LRFN1: variants seen among roughly 807,000 people sequenced by gnomAD.
LRFN1 encodes leucine rich repeat and fibronectin type III domain containing 1.
Under a neutral mutation model 31.8 loss-of-function variants are expected in LRFN1, and 20 were observed. The ratio of observed to expected loss-of-function variants is 0.63; its 90% CI spans 0.44 to 0.91. The LOEUF (loss-of-function observed/expected upper bound fraction) is 0.91, where lower values mean the gene tolerates loss of function less well. Among genes scored for constraint, LRFN1 ranks in the 40% least tolerant of loss-of-function variants. The pLI is 0.00. For missense variants in LRFN1, 912 were observed against 1,129.8 expected (o/e 0.81, Z 2.76); for synonymous variants, 514 against 541.3 (o/e 0.95, Z 0.70).
chr19:39,309,493 A>C (rs2075143401), intron 4 of LRFN1, among the ~76,000 whole-genome samples: 1 of 149,418 alleles, frequency 6.7e-6, no homozygotes, highest in Non-Finnish European at 1.5e-5. Context: ...AAAAAAAAAA[A>C]AAAAAAAAAA....
At chr19:39,309,498 A>AAAC (rs2075143528) in intron 4 of LRFN1, among the ~76,000 whole-genome samples, 1 of 146,412 alleles carries the variant, frequency 6.8e-6, no homozygotes, top group African/African-American at 2.5e-5. Context: ...AAAAAAAAAA[A>AAAC]AAAAAAAAAC....
chr19:39,319,077 C>A (rs1252563553), intron 1 of LRFN1, among the ~76,000 whole-genome samples: 2 of 152,092 alleles, frequency 1.3e-5, no homozygotes, highest in East Asian at 3.9e-4. Context: ...CCCCCAGAGA[C>A]CAACACCAAA....
At chr19:39,311,658 G>A (rs932659734) in intron 4 of LRFN1, among the ~76,000 whole-genome samples, 2 of 152,088 alleles carry the variant, frequency 1.3e-5, no homozygotes, top group African/African-American at 2.4e-5. Flanking sequence ...CCTTCATAGC[G>A]GAGCTGGGAA....
rs1245933157 is a variant in LRFN1 at position 39,314,024 on chromosome 19, A to G, written c.1313T>C (p.Val438Ala). Residue 438 changes from valine to alanine, a missense_variant, in exon 4 of 5, where the codon GTG (valine) becomes GCG (alanine). Coordinates refer to ENST00000248668, the MANE Select transcript of LRFN1 (RefSeq NM_020862.2). ...LVAAELTSNS[V>A]LIRWPAQRPV... is the part of the protein sequence containing the mutation. ...CCTCTGGGCTGGCCAGCGGATGAGC[A>G]CGGAGTTCGAGGTGAGCTCGGCTGC... is the stretch of plus-strand genomic sequence containing the variant. 5 of 1,611,886 alleles carry G rather than the reference A, an allele frequency of 3.1e-6. No individual in the cohort carries two copies. The highest frequency in any genetic ancestry group is 2.7e-5 in the African/African-American group (2 of 75,056).
chr19:39,308,234 C>T lies in LRFN1; in HGVS notation c.1715G>A (p.Gly572Asp). 2.5e-6 allele frequency: 4 copies of T among 1,612,172 alleles called. No individual in the cohort carries two copies. In the South Asian group the frequency reaches 3.3e-5, roughly 13 times the overall value. The change falls in exon 5 of 5, where the codon GGC becomes GAC. Residue 572 changes from glycine (G) to aspartate (D), a missense_variant. Gly to Asp is a moderately conservative substitution (Grantham distance 94, BLOSUM62 -1). Coordinates refer to ENST00000248668, the MANE Select transcript of LRFN1 (RefSeq NM_020862.2). The surrounding 1 kb of genome is among the most constrained non-coding windows in gnomAD (Gnocchi z 6.2). Reference sequence around the variant, plus strand: ...GCTGACCCGCGGGAGCGACCTGGAGCCCTTGACGCGGCGGCTGTCCCCGTC... The same window carrying T: ...GCTGACCCGCGGGAGCGACCTGGAGTCCTTGACGCGGCGGCTGTCCCCGTC... Reference protein sequence around the residue: ...YGDGDSRRVKGSRSLPRVSHV... With the variant: ...YGDGDSRRVKDSRSLPRVSHV...
rs753368407 is a variant in LRFN1, at chr19:39,314,432, G to A, written c.905C>T (p.Thr302Ile). The A allele has an allele frequency of 1.2e-6, 2 of 1,608,590 alleles. No individual in the cohort carries two copies. Among genetic ancestry groups the A allele is most frequent in the African/African-American group, 2.7e-5 (2 of 74,992 alleles). Residue 302 changes from threonine (T) to isoleucine (I), a missense_variant, in exon 4 of 5, where the codon ACA becomes ATA. Physicochemically the swap from Thr to Ile is moderately conservative, Grantham distance 89. Around this residue, in one of 2 missense-constraint regions of LRFN1, gnomAD observed 401 missense variants for 572.7 expected, o/e 0.70. Transcript: ENST00000248668. ...CAGGGCCCGGCCCCCCGCCTGCCGT[G>A]TGATCAGCGGGGGCTCACACAGGAA... ...EEFLCEPPLITRQAGGRALVV... is the reference protein window; with the variant it reads ...EEFLCEPPLIIRQAGGRALVV...
chr19:39,320,176 T>A (rs1179028649), intron 1 of LRFN1, among the ~76,000 whole-genome samples: 5 of 144,796 alleles, frequency 3.5e-5, no homozygotes. Context: ...CCAGTTGACA[T>A]GGACCGAGGG....
In LRFN1 at chr19:39,308,245, G is replaced by C. The variant is rs779112582; in HGVS notation, c.1704C>G (p.Arg568=). ...GGAGCGACCTGGAGCCCTTGACGCG[G>C]CGGCTGTCCCCGTCGCCATACACCT... The part of the protein sequence containing the change: ...RYKVYGDGDS[R]RVKGSRSLPR... The change falls in exon 5 of 5, where the codon CGC becomes CGG. Residue 568 remains arginine (R), a synonymous_variant. Transcript: ENST00000248668. This position sits in a 1 kb window ranked among gnomAD's most constrained non-coding sequence, Gnocchi z 6.2. 2 of 1,612,508 alleles carry C rather than the reference G, an allele frequency of 1.2e-6. No homozygotes were observed. The highest frequency in any genetic ancestry group is 8.5e-7 in the Non-Finnish European group (1 of 1,179,308).
At position 39,314,754 on chromosome 19, in the gene LRFN1, G is replaced by A; in HGVS notation, c.583C>T (p.His195Tyr). 6.2e-7 allele frequency: 1 copy of A among 1,613,078 alleles called. No individual in the cohort carries two copies. The highest frequency in any genetic ancestry group is 8.5e-7 in the Non-Finnish European group (1 of 1,179,472). ...TCCGCGATGTGGTCGATGAGGTTGT[G>A]GTCCAGCGTGAGGGTGTTTAGGTTC... is the stretch of plus-strand genomic sequence containing the variant. ...MVNLNTLTLD[H>Y]NLIDHIAEGT... The change falls in exon 4 of 5, where the codon CAC becomes TAC. Residue 195 changes from histidine to tyrosine, a missense_variant. By Grantham distance (83) the His-to-Tyr change is moderately conservative. This residue lies in a region of LRFN1 where 401 missense variants were observed against 572.7 expected (regional missense o/e 0.70). Coordinates refer to ENST00000248668, the MANE Select transcript of LRFN1 (RefSeq NM_020862.2).
Position 39,315,206 on chromosome 19 carries a change from G to C in LRFN1, c.131C>G (p.Ala44Gly), listed in dbSNP as rs766471094. ...GGCGCACAGCATTGTCAGTGTGGGC[G>C]CCACGTTCTGGCAGATGCAGCGGCC... is the stretch of plus-strand genomic sequence containing the variant. ...CPGRCICQNV[A>G]PTLTMLCAKT... The change falls in exon 4 of 5, where the codon GCG becomes GGG. Residue 44 changes from alanine to glycine, a missense_variant. This residue lies in a region of LRFN1 where 401 missense variants were observed against 572.7 expected (regional missense o/e 0.70). Transcript: ENST00000248668. The surrounding 1 kb of genome is among the most constrained non-coding windows in gnomAD (Gnocchi z 4.7). 6.3e-7 allele frequency: 1 copy of C among 1,578,974 alleles called. No homozygotes were observed. Among genetic ancestry groups the C allele is most frequent in the Non-Finnish European group, 8.6e-7 (1 of 1,169,414 alleles).
rs1018256698 is a variant in LRFN1 at position 39,315,043 on chromosome 19, C to T, written c.294G>A (p.Arg98=). 1.9e-6 allele frequency: 3 copies of T among 1,595,328 alleles called. No homozygotes were observed. Among genetic ancestry groups the T allele is most frequent in the Admixed American group, 3.4e-5 (2 of 59,420 alleles). ...MTSLVHLTLS[R]NTIGQVAAGA... is the part of the protein sequence containing the mutation. The stretch of plus-strand genomic sequence containing the variant: ...CAGCTGCCACCTGGCCGATGGTGTT[C>T]CGGGAGAGAGTGAGGTGCACCAGGC... The change falls in exon 4 of 5, where the codon CGG becomes CGA. Residue 98 remains arginine, a synonymous_variant. Coordinates refer to ENST00000248668, the MANE Select transcript of LRFN1 (RefSeq NM_020862.2). This position sits in a 1 kb window ranked among gnomAD's most constrained non-coding sequence, Gnocchi z 4.7.
rs1212969732 is a variant in LRFN1 at position 39,314,052 on chromosome 19, C to T, written c.1285G>A (p.Val429Met). The change falls in exon 4 of 5, where the codon GTG becomes ATG. Residue 429 changes from valine (V) to methionine (M), a missense_variant. Physicochemically the swap from Val to Met is conservative, Grantham distance 21 (BLOSUM62 1). Around this residue, in one of 2 missense-constraint regions of LRFN1, gnomAD observed 511 missense variants for 557.0 expected, o/e 0.92. Coordinates refer to ENST00000248668, the MANE Select transcript of LRFN1 (RefSeq NM_020862.2). Reference protein sequence around the residue: ...ANDSAAERRLVAAELTSNSVL... With the variant: ...ANDSAAERRLMAAELTSNSVL... ...GAGTTCGAGGTGAGCTCGGCTGCCA[C>T]GAGCCGACGCTCAGCCGCAGAATCG... 1.2e-6 allele frequency: 2 copies of T among 1,611,010 alleles called. No homozygotes were observed. The highest frequency in any genetic ancestry group is 1.7e-6 in the Non-Finnish European group (2 of 1,179,684).
In LRFN1 at chr19:39,314,288, C is replaced by G. The variant is rs1254139255; in HGVS notation, c.1049G>C (p.Arg350Pro). Residue 350 changes from arginine to proline, a missense_variant, in exon 4 of 5, where the codon CGG becomes CCG. Coordinates refer to ENST00000248668, the MANE Select transcript of LRFN1 (RefSeq NM_020862.2). ...GGTCACATCCAGCGTCCCGTCCCCC[C>G]GGACCCGGGTCCGGCTGGAGTTCCC... ...LLGNSSRTRV[R>P]GDGTLDVTIT... 1 of 1,611,298 alleles carries G rather than the reference C, an allele frequency of 6.2e-7. No homozygotes were observed. The highest frequency in any genetic ancestry group is 8.5e-7 in the Non-Finnish European group (1 of 1,178,942).
Position 39,309,508 on chromosome 19 carries a change from C to A in LRFN1, c.1407-966G>T, listed in dbSNP as rs1010803994. Reference sequence around the variant, plus strand: ...AAAAAAAAAAAAAAAAAAAAAAAAACCATCTAGCTTTGTCTATGTCCTGGA... The same window carrying A: ...AAAAAAAAAAAAAAAAAAAAAAAAAACATCTAGCTTTGTCTATGTCCTGGA... On this transcript the variant is annotated intron_variant, in intron 4 of 4. Transcript: ENST00000248668. Among the ~76,000 whole-genome samples the A allele has an allele frequency of 3.3e-3, 247 of 75,834 alleles. 2 individuals carry two copies. Among genetic ancestry groups the A allele is most frequent in the African/African-American group, 0.022 (220 of 10,012 alleles). The allele number at this position is 75,834 out of a possible 152,430, so 49.8% of individuals were successfully genotyped here. A position where few individuals can be genotyped will look rare whatever the true frequency, so the allele number is the denominator to read the frequency against.
chr19:39,310,640 G>C (rs1462087907), intron 4 of LRFN1, among the ~76,000 whole-genome samples: 1 of 152,126 alleles, frequency 6.6e-6, no homozygotes, highest in African/African-American at 2.4e-5. Flanking sequence ...CTCTTCTCCA[G>C]CAAAGACTCT....
Position 39,314,266 on chromosome 19 carries a change from C to T in LRFN1, c.1071G>A (p.Val357=), listed in dbSNP as rs2145035272. 1.2e-6 allele frequency: 2 copies of T among 1,613,080 alleles called. No homozygotes were observed. Among genetic ancestry groups the T allele is most frequent in the Non-Finnish European group, 8.5e-7 (1 of 1,179,644 alleles). The change falls in exon 4 of 5, where the codon GTG becomes GTA. Residue 357 remains valine (V), a synonymous_variant. Transcript: ENST00000248668. ...CACTGTCCCTCAAGGTGGTGATGGT[C>T]ACATCCAGCGTCCCGTCCCCCCGGA... ...TRVRGDGTLD[V]TITTLRDSGT...
At position 39,307,817 on chromosome 19, in the gene LRFN1, C is replaced by T. The variant is rs1172063703; in HGVS notation, c.2132G>A (p.Gly711Glu). The T allele has an allele frequency of 1.3e-6, 2 of 1,492,076 alleles. No homozygotes were observed. The highest frequency in any genetic ancestry group is 2.5e-5 in the East Asian group (1 of 40,306). The allele number at this position is 1,492,076 out of a possible 1,614,324, so 92.4% of individuals were successfully genotyped here. Residue 711 changes from glycine (G) to glutamate (E), a missense_variant, in exon 5 of 5, where the codon GGG (glycine) becomes GAG (glutamate). Around this residue, in one of 2 missense-constraint regions of LRFN1, gnomAD observed 511 missense variants for 557.0 expected, o/e 0.92. Transcript: ENST00000248668. The surrounding 1 kb of genome is among the most constrained non-coding windows in gnomAD (Gnocchi z 6.7). ...QQRYSFDGDY[G>E]ALFQSHSYPR... ...GTAACTGTGGCTCTGGAATAGTGCC[C>T]CGTAGTCCCCGTCGAACGAATAGCG...
rs2075131069 is a variant in LRFN1 at position 39,307,036 on chromosome 19, CAGAG to C, written c.*593_*596del. On this transcript the variant is annotated 3_prime_UTR_variant, in exon 5 of 5. Transcript: ENST00000248668. The surrounding 1 kb of genome is among the most constrained non-coding windows in gnomAD (Gnocchi z 6.7). ...GGCCGAGGGACAAGAGACGACAGGACAGAGAGAAAGGAGAGGCAAATAGGGAAAG... is the reference window on the plus strand; with the variant it reads ...GGCCGAGGGACAAGAGACGACAGGACAGAAAGGAGAGGCAAATAGGGAAAG... 3 of 346,440 alleles carry C rather than the reference CAGAG, an allele frequency of 8.7e-6. No individual in the cohort carries two copies. The highest frequency in any genetic ancestry group is 1.6e-5 in the Non-Finnish European group (3 of 193,318). The allele number at this position is 346,440 out of a possible 1,614,324, so 21.5% of individuals were successfully genotyped here. A position where few individuals can be genotyped will look rare whatever the true frequency, so the allele number is the denominator to read the frequency against.
In LRFN1 at chr19:39,314,907, G is replaced by A. The variant is rs1237926188; in HGVS notation, c.430C>T (p.Leu144Phe). 6.2e-7 allele frequency: 1 copy of A among 1,608,820 alleles called. No homozygotes were observed. The highest frequency in any genetic ancestry group is 8.5e-7 in the Non-Finnish European group (1 of 1,178,162). Residue 144 changes from leucine (L) to phenylalanine (F), a missense_variant, in exon 4 of 5, where the codon CTT (leucine) becomes TTT (phenylalanine). By Grantham distance (22) the Leu-to-Phe change is conservative. Coordinates refer to ENST00000248668, the MANE Select transcript of LRFN1 (RefSeq NM_020862.2). ...RGLGNLRHLILGNNQIRRVES... is the reference protein window; with the variant it reads ...RGLGNLRHLIFGNNQIRRVES... Reference sequence around the variant, plus strand: ...ACCCGGCGGATCTGGTTGTTTCCAAGGATCAGGTGGCGGAGGTTGCCCAGG... The same window carrying A: ...ACCCGGCGGATCTGGTTGTTTCCAAAGATCAGGTGGCGGAGGTTGCCCAGG...
Sources: allele counts gnomAD v4.1 joint callset (sites outside exome capture counted in the v4.1 genomes callset), GRCh38; gene constraint gnomAD v4.1.1; regional missense constraint gnomAD v4.1.1; non-coding constraint Gnocchi (gnomAD v3.1); transcripts MANE v1.5; gene names NCBI Gene and HGNC (gene_info 2026-07-23, HGNC 2026-07-21).